The following GRM7 variants were observed in gnomAD, a reference collection of about 807,000 sequenced individuals.
GRM7 encodes glutamate metabotropic receptor 7, also known as metabotropic glutamate receptor 7.
GRM7 carries 35 observed loss-of-function variants against 84.5 expected under a neutral mutation model. The observed-to-expected ratio is 0.41, with a 90% CI of 0.32 to 0.55. The LOEUF is 0.55. Ranked by LOEUF, GRM7 falls within the 20% of genes least tolerant of loss-of-function variation. The pLI, the probability that GRM7 is intolerant of heterozygous loss-of-function variation, is 0.19. For missense variants in GRM7, 1,003 were observed against 1,194.6 expected (o/e 0.84, Z 2.36); for synonymous variants, 487 against 455.1 (o/e 1.07, Z -0.89).
At chr3:7,310,448 G>C (rs540486645) in intron 4 of GRM7, among the ~76,000 whole-genome samples, 2 of 152,158 alleles carry the variant, frequency 1.3e-5, no homozygotes, top group East Asian at 3.9e-4. Flanking sequence ...GTGAAGATCT[G>C]AACTAAAATA....
intron 2 of GRM7, among the ~76,000 whole-genome samples, chr3:7,197,662 A>C (rs990473838): frequency 6.6e-6 from 1 of 151,290 alleles, no homozygotes; most frequent in Admixed American, 6.6e-5. Context: ...CTCCTAAGTG[A>C]GTTAACATCC....
chr3:6,899,771 A>T (rs1696319874), intron 1 of GRM7, among the ~76,000 whole-genome samples: 1 of 152,220 alleles, frequency 6.6e-6, no homozygotes, highest in African/African-American at 2.4e-5. Context: ...CATTGACCAA[A>T]CTAAGACTAA....
chr3:7,115,515 G>T (rs1326830567), intron 1 of GRM7, among the ~76,000 whole-genome samples: 1 of 152,064 alleles, frequency 6.6e-6, no homozygotes, highest in Non-Finnish European at 1.5e-5. Flanking sequence ...TAGGAATATT[G>T]ACAAGAGCCT....
At chr3:7,087,454 G>A (rs1013521253) in intron 1 of GRM7, among the ~76,000 whole-genome samples, 2 of 150,620 alleles carry the variant, frequency 1.3e-5, no homozygotes, top group Non-Finnish European at 2.9e-5. Context: ...TTTTTCAGGT[G>A]ATAGCTAGGG....
chr3:7,639,572 T>C (rs1698268495), intron 8 of GRM7, among the ~76,000 whole-genome samples: 1 of 152,176 alleles, frequency 6.6e-6, no homozygotes, highest in Non-Finnish European at 1.5e-5. Context: ...TTTAATATTA[T>C]CACCTTTTTT....
At chr3:7,513,698 T>C (rs930552143) in intron 7 of GRM7, among the ~76,000 whole-genome samples, 6 of 152,204 alleles carry the variant, frequency 3.9e-5, no homozygotes, top group African/African-American at 1.4e-4. Flanking sequence ...TGTGCACTTA[T>C]CAAAACATAA....
At chr3:7,333,878 G>A (rs112510166) in intron 4 of GRM7, among the ~76,000 whole-genome samples, 5,961 of 152,058 alleles carry the variant, frequency 0.039, 244 homozygotes, top group African/African-American at 0.1. Flanking sequence ...AGAGCTCGAA[G>A]ACAAGGCTTT....
intron 8 of GRM7, among the ~76,000 whole-genome samples, chr3:7,671,861 T>C (rs1699931229): frequency 1.3e-5 from 2 of 152,052 alleles, no homozygotes; most frequent in South Asian, 4.2e-4. Context: ...GAGGAAGTCT[T>C]TGTGGTAATG....
At chr3:7,268,973 T>C (rs1365071173) in intron 2 of GRM7, among the ~76,000 whole-genome samples, 1 of 152,156 alleles carries the variant, frequency 6.6e-6, no homozygotes, top group East Asian at 1.9e-4. Flanking sequence ...GCGTAGTCAG[T>C]AGACCCTCCA....
At chr3:7,739,309 G>A (rs547722097) in intron 9 of GRM7, among the ~76,000 whole-genome samples, 3 of 152,218 alleles carry the variant, frequency 2.0e-5, no homozygotes, top group South Asian at 2.1e-4. Flanking sequence ...TGACTTCTCC[G>A]TTCCTCCAAA....
At chr3:7,504,548 C>T (rs984588635) in intron 7 of GRM7, among the ~76,000 whole-genome samples, 1 of 152,344 alleles carries the variant, frequency 6.6e-6, no homozygotes, top group East Asian at 1.9e-4. Flanking sequence ...ATGGTGTCTG[C>T]ATCTGGTAAG....
intron 1 of GRM7, among the ~76,000 whole-genome samples, chr3:6,921,470 A>G (rs1338062016): frequency 2.0e-5 from 3 of 152,176 alleles, no homozygotes; most frequent in African/African-American, 7.2e-5. Context: ...ATAGTAGGAC[A>G]CACTAATTAG....
At chr3:7,728,485 C>T (rs969274410) in intron 9 of GRM7, among the ~76,000 whole-genome samples, 4 of 152,110 alleles carry the variant, frequency 2.6e-5, no homozygotes, top group African/African-American at 9.7e-5. Flanking sequence ...CCTATGAGGG[C>T]CCTGGTACTG....
chr3:7,617,561 A>G (rs113906199), intron 8 of GRM7, among the ~76,000 whole-genome samples: 46 of 152,294 alleles, frequency 3.0e-4, no homozygotes, highest in African/African-American at 1.1e-3. Context: ...AGATCGACAG[A>G]ATCAACAAAA....
chr3:6,881,893 A>G (rs1339545018), intron 1 of GRM7, among the ~76,000 whole-genome samples: 1 of 150,932 alleles, frequency 6.6e-6, no homozygotes, highest in Non-Finnish European at 1.5e-5. Context: ...TTTCTGCCAC[A>G]ATGATCGATT....
chr3:7,620,372 T>A (rs1310511399), intron 8 of GRM7, among the ~76,000 whole-genome samples: 1 of 152,138 alleles, frequency 6.6e-6, no homozygotes, highest in Non-Finnish European at 1.5e-5. Flanking sequence ...CTCAACTAAA[T>A]ACAATTTATG....
Position 7,059,967 on chromosome 3 carries a change from C to A in GRM7, c.520-86485C>A, listed in dbSNP as rs116021063. 4.1e-3 allele frequency among the ~76,000 whole-genome samples: 626 copies of A among 151,930 alleles called. 4 individuals are homozygous for A. Among genetic ancestry groups the A allele is most frequent in the African/African-American group, 0.014 (585 of 41,538 alleles). On this transcript the variant is annotated intron_variant, in intron 1 of 9. Coordinates refer to ENST00000357716, the MANE Select transcript of GRM7 (RefSeq NM_000844.4). ...TTGTTATAGCAGCCCAGCTGGACTG[C>A]AGCACAATTCTTAGAATGGAGTAGA...
intron 7 of GRM7, among the ~76,000 whole-genome samples, chr3:7,574,893 C>T (rs901889983): frequency 5.3e-5 from 8 of 152,120 alleles, no homozygotes; most frequent in African/African-American, 1.9e-4. Context: ...GGGTTACAAC[C>T]CTTTGCTCTT....
At chr3:7,070,290 T>C (rs751651413) in intron 1 of GRM7, among the ~76,000 whole-genome samples, 31 of 152,266 alleles carry the variant, frequency 2.0e-4, no homozygotes, top group Non-Finnish European at 4.4e-4. Context: ...TTCCAAAGTG[T>C]ATTTTGTTTA....
Sources: allele counts gnomAD v4.1 joint callset (sites outside exome capture counted in the v4.1 genomes callset), GRCh38; gene constraint gnomAD v4.1.1; transcripts MANE v1.5; gene names NCBI Gene and HGNC (gene_info 2026-07-23, HGNC 2026-07-21).